Variants in ZNF394 observed in about 807,000 individuals in gnomAD.
The protein encoded by ZNF394 is zinc finger protein 99.
A neutral mutation model predicts 21.8 loss-of-function variants in ZNF394; 19 were observed. The ratio of observed to expected loss-of-function variants is 0.87; its 90% CI spans 0.61 to 1.28. The LOEUF (loss-of-function observed/expected upper bound fraction) is 1.28. Among genes scored for constraint, ZNF394 ranks in the 50% most tolerant of loss-of-function variants. ZNF394 has a pLI of 0.00. For missense variants in ZNF394, 683 were observed against 708.6 expected, an observed-to-expected ratio of 0.96 and a Z score of 0.41; for synonymous variants, 294 against 273.3, an observed-to-expected ratio of 1.08 and a Z score of -0.75.
intron 2 of ZNF394, among the ~76,000 whole-genome samples, chr7:99,496,014 C>G (rs774878481): frequency 2.0e-5 from 3 of 152,124 alleles, no homozygotes; most frequent in African/African-American, 4.8e-5. Flanking sequence ...CTCCACCTCC[C>G]AGGTTCAAGT....
In ZNF394 at chr7:99,499,794, C is replaced by T. The variant is rs765218919; in HGVS notation, c.300G>A (p.Lys100=). The T allele has an allele frequency of 3.7e-6, 6 of 1,614,074 alleles. No homozygotes were observed. The highest frequency in any genetic ancestry group is 2.7e-5 in the African/African-American group (2 of 74,940). The change falls in exon 1 of 3, where the codon AAG becomes AAA. Residue 100 remains lysine, a synonymous_variant. Transcript: ENST00000337673. ...GCACCAGCAGCTCCAGGATCTGCTCCTTGGAGAGCAGCTCGGGTCTCAGCC... is the reference window on the plus strand; with the variant it reads ...GCACCAGCAGCTCCAGGATCTGCTCTTTGGAGAGCAGCTCGGGTCTCAGCC... ...RRWLRPELLS[K]EQILELLVLE... is the part of the protein sequence containing the mutation.
rs758355027 is a variant in ZNF394, at chr7:99,494,060, G to C, written c.1155C>G (p.Pro385=). Residue 385 remains proline, a synonymous_variant, in exon 3 of 3, where the codon CCC becomes CCG. Transcript: ENST00000337673. ...RHQRIHTGEK[P]YGCQECGKSF... Reference sequence around the variant, plus strand: ...TTTTCCCACATTCTTGGCAGCCATAGGGTTTCTCACCTGTGTGGATTCTCT... The same window carrying C: ...TTTTCCCACATTCTTGGCAGCCATACGGTTTCTCACCTGTGTGGATTCTCT... 1.2e-6 allele frequency: 2 copies of C among 1,614,098 alleles called. No individual in the cohort carries two copies. Among genetic ancestry groups the C allele is most frequent in the South Asian group, 2.2e-5 (2 of 91,076 alleles).
At chr7:99,497,087 C>CATGTGTGT (rs1800338717) in intron 2 of ZNF394, among the ~76,000 whole-genome samples, 1 of 94,712 alleles carries the variant, frequency 1.1e-5, no homozygotes, top group South Asian at 3.4e-4. Context: ...TACATACATA[C>CATGTGTGT]GTGTGTGTGT....
rs770077558 is a variant in ZNF394, at chr7:99,494,131, TACC to T, written c.1081_1083del (p.Gly361del). ...CGTTGTTTGAAACTCTTCCCACAGTTACCACATTTATAAGGTCTTTCTTCATGG... is the reference window on the plus strand; with the variant it reads ...CGTTGTTTGAAACTCTTCCCACAGTTACATTTATAAGGTCTTTCTTCATGG... On this transcript the variant is annotated inframe_deletion, in exon 3 of 3. Transcript: ENST00000337673. 6.2e-7 allele frequency: 1 copy of T among 1,614,240 alleles called. No individual in the cohort carries two copies. Among genetic ancestry groups the T allele is most frequent in the South Asian group, 1.1e-5 (1 of 91,090 alleles).
In ZNF394 at chr7:99,499,934, G is replaced by T; in HGVS notation, c.160C>A (p.Pro54Thr). Residue 54 changes from proline (P) to threonine (T), a missense_variant, in exon 1 of 3, where the codon CCC (proline) becomes ACC (threonine). By Grantham distance (38) the Pro-to-Thr change is conservative. This residue lies in a region of ZNF394 where 402 missense variants were observed against 373.8 expected (regional missense o/e 1.08). Transcript: ENST00000337673. ...GTTTCGGGGTCCGGCGAAGCCGCGG[G>T]ATAGTTGGGCTCCCAACTTCCGGGT... ...DSPGSWEPNYPAASPDPETSR... is the reference protein window; with the variant it reads ...DSPGSWEPNYTAASPDPETSR... 1 of 1,614,074 alleles carries T rather than the reference G, an allele frequency of 6.2e-7. No homozygotes were observed. The highest frequency in any genetic ancestry group is 8.5e-7 in the Non-Finnish European group (1 of 1,180,044).
downstream of ZNF394, among the ~76,000 whole-genome samples, chr7:99,490,142 TC>T (rs1800130195): frequency 7.3e-6 from 1 of 137,084 alleles, no homozygotes; most frequent in African/African-American, 2.7e-5. Flanking sequence ...TGGCAAAACC[TC>T]ATCTTTTTTT....
chr7:99,488,670 C>G (rs1171227829), downstream of ZNF394, among the ~76,000 whole-genome samples: 1 of 151,744 alleles, frequency 6.6e-6, no homozygotes, highest in Non-Finnish European at 1.5e-5. Context: ...TGGCTCACAC[C>G]TGTAATCCCA....
chr7:99,496,400 G>A (rs75887047), intron 2 of ZNF394, among the ~76,000 whole-genome samples: 8,298 of 151,882 alleles, frequency 0.055, 687 homozygotes, highest in African/African-American at 0.18. Context: ...GCTTCCTACA[G>A]AGTAGAGTAG....
At chr7:99,488,353 G>T (rs1187182930), downstream of ZNF394, among the ~76,000 whole-genome samples, 1 of 151,812 alleles carries the variant, frequency 6.6e-6, no homozygotes, top group African/African-American at 2.4e-5. Flanking sequence ...GGCCAACATG[G>T]TGAAACCCCG....
intron 1 of ZNF394, among the ~76,000 whole-genome samples, chr7:99,487,815 G>A (rs1268803320): frequency 6.6e-6 from 1 of 151,730 alleles, no homozygotes; most frequent in African/African-American, 2.4e-5. Flanking sequence ...GCTCACGCCT[G>A]TAATCCCAGC....
chr7:99,490,154 T>TC (rs2151078602), downstream of ZNF394, among the ~76,000 whole-genome samples: 1 of 138,140 alleles, frequency 7.2e-6, no homozygotes, highest in East Asian at 2.1e-4. Flanking sequence ...ATCTTTTTTT[T>TC]TTTTTTTTTT....
downstream of ZNF394, among the ~76,000 whole-genome samples, chr7:99,489,871 G>C (rs1800124060): frequency 1.3e-5 from 2 of 152,058 alleles, no homozygotes; most frequent in African/African-American, 4.8e-5. Flanking sequence ...CGGGCGTGGT[G>C]GTGGGCACCT....
chr7:99,497,159 ATG>A lies in ZNF394; in HGVS notation c.583+1555_583+1556del, dbSNP rs1800360543. On this transcript the variant is annotated intron_variant, in intron 2 of 2. Transcript: ENST00000337673. ...ATATATATGTATATATATATATAAAATGTTTTTTCTTTTTTTTTTGAGACGGA... is the reference window on the plus strand; with the variant it reads ...ATATATATGTATATATATATATAAAATTTTTTCTTTTTTTTTTGAGACGGA... Among the ~76,000 whole-genome samples the A allele has an allele frequency of 2.5e-5, 3 of 119,522 alleles. No homozygotes were observed. In the South Asian group the frequency reaches 8.3e-4, roughly 33 times the overall value. The allele number at this position is 119,522 out of a possible 152,430, so 78.4% of individuals were successfully genotyped here.
downstream of ZNF394, among the ~76,000 whole-genome samples, chr7:99,492,207 A>G (rs1342414670): frequency 6.6e-6 from 1 of 152,152 alleles, no homozygotes; most frequent in Non-Finnish European, 1.5e-5. Flanking sequence ...TCTTTTGAGT[A>G]CTGAGCTTTA....
rs369721728 is a variant in ZNF394 at position 99,487,989 on chromosome 7, G to A, written n.84-1026C>T. ...CGGGAGGCTGAGGCAGGAGAATGGC[G>A]TGAACCCAGGAGGCGGAGCTTGCAG... On this transcript the variant is annotated intron_variant and non_coding_transcript_variant, in intron 1 of 1. Coordinates refer to the ZNF394 transcript ENST00000462024. Among the ~76,000 whole-genome samples, 21 of 147,790 alleles carry A rather than the reference G, an allele frequency of 1.4e-4. No individual in the cohort carries two copies. In the East Asian group the frequency reaches 3.2e-3, roughly 22 times the overall value.
chr7:99,487,657 T>C, intron 1 of ZNF394: 1 of 744,674 alleles, frequency 1.3e-6, no homozygotes. Flanking sequence ...AAGGAAATGT[T>C]AGCTTGGGCA....
Position 99,500,135 on chromosome 7 carries a change from A to T in ZNF394, c.-42T>A. The T allele has an allele frequency of 1.3e-6, 2 of 1,505,234 alleles. No individual in the cohort carries two copies. 93.2% of individuals were successfully genotyped at this position (1,505,234 alleles called of 1,614,324 possible). On this transcript the variant is annotated 5_prime_UTR_variant, in exon 1 of 3. Coordinates refer to ENST00000337673, the MANE Select transcript of ZNF394 (RefSeq NM_032164.4). ...CTGCCCTTCCTGGAGTCTTCTTTTC[A>T]GGTGAAGAAAGAGCAAACCCAAGGA... is the stretch of plus-strand genomic sequence containing the variant.
downstream of ZNF394, among the ~76,000 whole-genome samples, chr7:99,492,402 G>A (rs1584582969): frequency 6.6e-6 from 1 of 151,992 alleles, no homozygotes. Context: ...CACTTTGGGA[G>A]GCTGAGGTGG....
Position 99,498,729 on chromosome 7 carries a change from G to C in ZNF394, c.570C>G (p.Ser190Arg). Residue 190 changes from serine to arginine, a missense_variant, in exon 2 of 3, where the codon AGC becomes AGG. Physicochemically the swap from Ser to Arg is moderately radical, Grantham distance 110. Transcript: ENST00000337673. ...CRESAQKDSG[S>R]TVPPSLESRV... ...AACAGCACTCACTCGGCGGAACTGTGCTCCCGGAATCCTTCTGCGCACTCT... is the reference window on the plus strand; with the variant it reads ...AACAGCACTCACTCGGCGGAACTGTCCTCCCGGAATCCTTCTGCGCACTCT... 1 of 1,614,038 alleles carries C rather than the reference G, an allele frequency of 6.2e-7. No homozygotes were observed. Among genetic ancestry groups the C allele is most frequent in the South Asian group, 1.1e-5 (1 of 91,078 alleles).
Sources: allele counts gnomAD v4.1 joint callset (sites outside exome capture counted in the v4.1 genomes callset), GRCh38; gene constraint gnomAD v4.1.1; regional missense constraint gnomAD v4.1.1; transcripts MANE v1.5; gene names NCBI Gene and HGNC (gene_info 2026-07-23, HGNC 2026-07-21).